Variants in MCTP1 observed in about 807,000 individuals in gnomAD.
MCTP1 encodes multiple C2 and transmembrane domain-containing protein 1.
Under a neutral mutation model 120.6 loss-of-function variants are expected in MCTP1, and 69 were observed. The ratio of observed to expected loss-of-function variants is 0.57; its 90% CI spans 0.47 to 0.70. The LOEUF (loss-of-function observed/expected upper bound fraction) is 0.70. MCTP1 is among the 30% of genes least tolerant of loss of function. MCTP1 has a pLI of 0.00. For synonymous variants in MCTP1, 529 were observed against 493.1 expected (o/e 1.07, Z -0.96); for missense variants, 1,203 against 1,248.8 (o/e 0.96, Z 0.55).
intron 1 of MCTP1, among the ~76,000 whole-genome samples, chr5:95,172,405 G>C (rs1273507727): frequency 1.3e-5 from 2 of 152,192 alleles, no homozygotes; most frequent in Non-Finnish European, 2.9e-5. Flanking sequence ...CAAACTCTGT[G>C]CTGGGAGAAC....
chr5:95,168,182 GT>G (rs1209701117), intron 1 of MCTP1, among the ~76,000 whole-genome samples: 2 of 152,152 alleles, frequency 1.3e-5, no homozygotes, highest in East Asian at 3.9e-4. Flanking sequence ...TTTTTGTCAG[GT>G]TTGTCAAAGA....
At chr5:94,772,324 G>T (rs1774272486) in intron 19 of MCTP1, among the ~76,000 whole-genome samples, 1 of 152,128 alleles carries the variant, frequency 6.6e-6, no homozygotes, top group Non-Finnish European at 1.5e-5. Context: ...AGCTGGGAGA[G>T]CTCTACCTTT....
At chr5:95,138,238 C>CCCCT (rs1554213194) in intron 1 of MCTP1, among the ~76,000 whole-genome samples, 1 of 150,516 alleles carries the variant, frequency 6.6e-6, no homozygotes, top group Non-Finnish European at 1.5e-5. Context: ...ATGCAACCCC[C>CCCCT]CCCCGACATT....
At chr5:95,154,336 C>G (rs1582384258) in intron 1 of MCTP1, 1 of 151,662 alleles carries the variant, frequency 6.6e-6, no homozygotes, top group African/African-American at 2.4e-5. Context: ...TATGAAGTCT[C>G]TATGCCAACA....
chr5:94,843,076 T>A (rs1160989379), intron 17 of MCTP1, among the ~76,000 whole-genome samples: 1 of 151,774 alleles, frequency 6.6e-6, no homozygotes, highest in African/African-American at 2.4e-5. Context: ...ATATAAAAAA[T>A]TCTATGAAAT....
At chr5:94,785,839 T>C (rs1777559301) in intron 18 of MCTP1, among the ~76,000 whole-genome samples, 2 of 152,028 alleles carry the variant, frequency 1.3e-5, no homozygotes, top group African/African-American at 4.8e-5. Context: ...TTTTAAAGAG[T>C]AGCATGTCCT....
chr5:95,000,458 A>G (rs1833455183), intron 2 of MCTP1, among the ~76,000 whole-genome samples: 1 of 152,204 alleles, frequency 6.6e-6, no homozygotes. Context: ...CTGCTTCTGA[A>G]AACTTTCCAA....
intron 19 of MCTP1, among the ~76,000 whole-genome samples, chr5:94,751,435 G>GA (rs201921475): frequency 3.3e-5 from 5 of 151,120 alleles, no homozygotes; most frequent in Admixed American, 6.6e-5. Flanking sequence ...TGAGCATGAA[G>GA]AAAAAAAATT....
At chr5:94,756,685 C>A (rs1769974648) in intron 19 of MCTP1, among the ~76,000 whole-genome samples, 1 of 152,144 alleles carries the variant, frequency 6.6e-6, no homozygotes, top group South Asian at 2.1e-4. Context: ...CCTTTGACAG[C>A]CACTTTTCTT....
intron 16 of MCTP1, among the ~76,000 whole-genome samples, 163 bp downstream of exon 16, chr5:94,870,254 A>AAGAATC (rs1314267680): frequency 6.6e-6 from 1 of 152,142 alleles, no homozygotes; most frequent in Admixed American, 6.6e-5. Context: ...GGAAGGAAGA[A>AAGAATC]AGAATCAGAA....
chr5:94,780,958 T>A (rs1301372856), intron 18 of MCTP1, among the ~76,000 whole-genome samples: 2 of 152,164 alleles, frequency 1.3e-5, no homozygotes, highest in South Asian at 2.1e-4. Flanking sequence ...GTTGAAGTGA[T>A]ATATGCCAGG....
At chr5:95,197,158 T>C in intron 1 of MCTP1, among the ~76,000 whole-genome samples, 1 of 152,210 alleles carries the variant, frequency 6.6e-6, no homozygotes, top group East Asian at 1.9e-4. Flanking sequence ...TTCTTTCTTC[T>C]TCCTTATCTA....
chr5:95,204,171 T>G (rs976499417), intron 1 of MCTP1, among the ~76,000 whole-genome samples: 10 of 152,174 alleles, frequency 6.6e-5, no homozygotes, highest in African/African-American at 2.4e-4. Context: ...CAAAGTCAAT[T>G]TATTCCATTC....
chr5:94,931,735 A>C, intron 6 of MCTP1: 1 of 537,306 alleles, frequency 1.9e-6, no homozygotes, highest in South Asian at 2.5e-5. Flanking sequence ...TGATGTTGAG[A>C]AGTGACCAGA....
intron 1 of MCTP1, among the ~76,000 whole-genome samples, chr5:95,218,066 C>T (rs918323314): frequency 2.0e-5 from 3 of 152,198 alleles, no homozygotes; most frequent in African/African-American, 7.2e-5. Context: ...CTTCCAGGCA[C>T]ATTCCAAGGC....
intron 18 of MCTP1, among the ~76,000 whole-genome samples, chr5:94,782,507 A>T (rs934910170): frequency 5.9e-5 from 9 of 152,176 alleles, no homozygotes; most frequent in Admixed American, 3.3e-4. Context: ...TGCAATGAAC[A>T]TCGAAACTGC....
intron 1 of MCTP1, among the ~76,000 whole-genome samples, chr5:95,094,577 A>G (rs1453704767): frequency 6.6e-6 from 1 of 152,216 alleles, no homozygotes. Context: ...AAGGATTTTC[A>G]CTTACAAATT....
intron 9 of MCTP1, 59 bp downstream of exon 9, chr5:94,912,747 G>T: frequency 7.3e-7 from 1 of 1,372,130 alleles, no homozygotes; most frequent in South Asian, 1.6e-5. Flanking sequence ...CTAAAGCAGG[G>T]CTATTAACCA....
At chr5:94,759,903 GAAAA>G (rs10719332) in intron 19 of MCTP1, among the ~76,000 whole-genome samples, 1 of 78,906 alleles carries the variant, frequency 1.3e-5, no homozygotes, top group African/African-American at 5.1e-5. Context: ...TTTTCAAAGA[GAAAA>G]AAAAAAAAAA....
Sources: allele counts gnomAD v4.1 joint callset (sites outside exome capture counted in the v4.1 genomes callset), GRCh38; gene constraint gnomAD v4.1.1; transcripts MANE v1.5; gene names NCBI Gene and HGNC (gene_info 2026-07-23, HGNC 2026-07-21).